The following NUP62 variants were observed in gnomAD, a reference collection of about 807,000 sequenced individuals.
The protein encoded by NUP62 is nuclear pore glycoprotein p62.
For missense variants in NUP62, 647 were observed against 689.4 expected, an observed-to-expected ratio of 0.94 and a Z score of 0.69; for synonymous variants, 305 against 303.4, an observed-to-expected ratio of 1.01 and a Z score of -0.05.
chr19:49,919,414 T>A (rs1182273500), intron 2 of NUP62, among the ~76,000 whole-genome samples: 1 of 152,176 alleles, frequency 6.6e-6, no homozygotes, highest in African/African-American at 2.4e-5. Context: ...TTATGTATCT[T>A]AGAAATCGTT....
intron 2 of NUP62, among the ~76,000 whole-genome samples, chr19:49,920,316 T>A (rs188766929): frequency 2.6e-5 from 4 of 152,238 alleles, no homozygotes; most frequent in Admixed American, 2.6e-4. Context: ...CTCTCGACCT[T>A]GAGATCCGCC....
At chr19:49,927,508 G>A (rs2075929614) in intron 2 of NUP62, among the ~76,000 whole-genome samples, 186 bp downstream of exon 2, 1 of 152,202 alleles carries the variant, frequency 6.6e-6, no homozygotes, top group Non-Finnish European at 1.5e-5. Flanking sequence ...CTCAGTCTAT[G>A]CTCTTAGCTG....
At chr19:49,911,530 G>A (rs943797046) in intron 2 of NUP62, among the ~76,000 whole-genome samples, 1 of 152,042 alleles carries the variant, frequency 6.6e-6, no homozygotes, top group African/African-American at 2.4e-5. Context: ...TTGAGTAAGA[G>A]GCAACCTATC....
intron 2 of NUP62, among the ~76,000 whole-genome samples, chr19:49,919,581 A>G (rs982628535): frequency 6.6e-6 from 1 of 152,062 alleles, no homozygotes; most frequent in Non-Finnish European, 1.5e-5. Flanking sequence ...CTGATTTTCA[A>G]CCTTCTCTCC....
intron 2 of NUP62, among the ~76,000 whole-genome samples, chr19:49,922,688 A>C (rs2075793687): frequency 6.6e-6 from 1 of 150,522 alleles, no homozygotes. Flanking sequence ...TTACTTGCCT[A>C]CCTTTAAAAC....
At chr19:49,913,005 CAA>C (rs869238166) in intron 2 of NUP62, 2 of 130,912 alleles carry the variant, frequency 1.5e-5, no homozygotes, top group Non-Finnish European at 3.6e-5. Flanking sequence ...CAGCCAGAGT[CAA>C]ATGTCAGCTC....
chr19:49,924,024 G>A (rs1419421615), intron 2 of NUP62, among the ~76,000 whole-genome samples: 1 of 152,204 alleles, frequency 6.6e-6, no homozygotes, highest in Non-Finnish European at 1.5e-5. Context: ...GAGGAGTTGC[G>A]GCAATAGCAG....
chr19:49,927,471 C>T (rs1437277495), intron 2 of NUP62, among the ~76,000 whole-genome samples: 2 of 152,116 alleles, frequency 1.3e-5, no homozygotes, highest in Non-Finnish European at 2.9e-5. Flanking sequence ...TGTTCTAGGC[C>T]GCATGCAGGC....
chr19:49,920,283 A>G (rs989874243), intron 2 of NUP62, among the ~76,000 whole-genome samples: 2 of 152,172 alleles, frequency 1.3e-5, no homozygotes, highest in African/African-American at 2.4e-5. Flanking sequence ...GGGTTTCGCC[A>G]TGTTGGCCAG....
At position 49,909,730 on chromosome 19, in the gene NUP62, G is replaced by C. The variant is rs554368833; in HGVS notation, c.78C>G (p.Thr26=). 1 of 1,614,038 alleles carries C rather than the reference G, an allele frequency of 6.2e-7. No individual in the cohort carries two copies. The highest frequency in any genetic ancestry group is 1.3e-5 in the African/African-American group (1 of 74,914). ...AGAAAGAAAACCCTGTAGCAGGTGTGGTTGTTGCCGTCTTTGCAGTGCCAA... is the reference window on the plus strand; with the variant it reads ...AGAAAGAAAACCCTGTAGCAGGTGTCGTTGTTGCCGTCTTTGCAGTGCCAA... ...FTFGTAKTAT[T]TPATGFSFST... is the part of the protein sequence containing the mutation. Residue 26 remains threonine (T), a synonymous_variant, in exon 3 of 3, where the codon ACC becomes ACG. Transcript: ENST00000352066.
At chr19:49,922,754 C>T (rs879623225) in intron 2 of NUP62, among the ~76,000 whole-genome samples, 1 of 152,054 alleles carries the variant, frequency 6.6e-6, no homozygotes, top group Non-Finnish European at 1.5e-5. Flanking sequence ...GTGAAACCAG[C>T]AGCTTTGCAC....
chr19:49,914,131 T>A (rs2075557619), intron 2 of NUP62, among the ~76,000 whole-genome samples: 1 of 152,174 alleles, frequency 6.6e-6, no homozygotes, highest in South Asian at 2.1e-4. Flanking sequence ...GGAGGATTGC[T>A]TAAGCCCAGG....
At chr19:49,914,987 A>AC (rs1484922067) in intron 2 of NUP62, among the ~76,000 whole-genome samples, 1 of 151,732 alleles carries the variant, frequency 6.6e-6, no homozygotes, top group African/African-American at 2.4e-5. Flanking sequence ...TGATCTGCCC[A>AC]CCTTGGCCTC....
At chr19:49,918,469 T>G (rs988740907) in intron 2 of NUP62, 1 of 152,224 alleles carries the variant, frequency 6.6e-6, no homozygotes, top group Non-Finnish European at 1.5e-5. Flanking sequence ...CAGAACCAGG[T>G]ATCCCCAATA....
chr19:49,926,630 C>T (rs893166496), intron 2 of NUP62, among the ~76,000 whole-genome samples: 39 of 152,326 alleles, frequency 2.6e-4, no homozygotes, highest in Middle Eastern at 3.4e-3. Flanking sequence ...AGATAGGGCA[C>T]GTCTGTGCGT....
intron 2 of NUP62, among the ~76,000 whole-genome samples, chr19:49,910,569 G>C (rs1435155404): frequency 6.6e-6 from 1 of 152,144 alleles, no homozygotes; most frequent in Admixed American, 6.5e-5. Context: ...GCCTCCCCTG[G>C]GGTTTTCTCC....
At chr19:49,923,719 A>G (rs1319914152) in intron 2 of NUP62, among the ~76,000 whole-genome samples, 3 of 152,266 alleles carry the variant, frequency 2.0e-5, no homozygotes, top group East Asian at 1.9e-4. Flanking sequence ...CACCGTCTGC[A>G]ATGGACCATC....
intron 2 of NUP62, chr19:49,917,927 G>A (rs2075665875): frequency 6.6e-6 from 1 of 152,356 alleles, no homozygotes; most frequent in Admixed American, 6.5e-5. Flanking sequence ...AGCTACTCGA[G>A]AGGCTGAGGC....
At position 49,929,334 on chromosome 19, in the gene NUP62, CG is replaced by C. The variant is rs1199660713; in HGVS notation, c.-209del. 1 of 154,862 alleles carries C rather than the reference CG, an allele frequency of 6.5e-6. No individual in the cohort carries two copies. The highest frequency in any genetic ancestry group is 2.4e-5 in the African/African-American group (1 of 41,488). The allele number at this position is 154,862 out of a possible 1,614,324, so 9.6% of individuals were successfully genotyped here. ...CCCGTCTCCGCGCTCACCACGCCTG[CG>C]CTCTCCGCTCCCACCTTCTTTCTTC... On this transcript the variant is annotated 5_prime_UTR_variant, in exon 1 of 3. Coordinates refer to ENST00000352066, the MANE Select transcript of NUP62 (RefSeq NM_016553.5).
Sources: gnomAD v4.1 joint callset for allele counts (sites outside exome capture counted in the v4.1 genomes callset) on GRCh38, gnomAD v4.1.1 for gene constraint, MANE v1.5 for transcripts, NCBI Gene and HGNC (gene_info 2026-07-23, HGNC 2026-07-21) for gene names.